Variants in TMEM175 observed in about 807,000 individuals in gnomAD.
TMEM175 encodes the protein transmembrane protein 175, also known as endosomal/lysosomal proton channel TMEM175.
In TMEM175, 36 loss-of-function variants were observed where a neutral mutation model predicts 36.5. The ratio of observed to expected loss-of-function variants is 0.99; its 90% CI spans 0.76 to 1.30. The LOEUF (loss-of-function observed/expected upper bound fraction) is 1.30, where lower values mean the gene tolerates loss of function less well. Ranked by LOEUF, TMEM175 falls within the 50% of genes most tolerant of loss-of-function variation. TMEM175 has a pLI of 0.00. For synonymous variants in TMEM175, 339 were observed against 313.4 expected, an observed-to-expected ratio of 1.08 and a Z score of -0.86; for missense variants, 705 against 692.8, an observed-to-expected ratio of 1.02 and a Z score of -0.20.
At position 958,205 on chromosome 4, in the gene TMEM175, G is replaced by A. The variant is rs780199146; in HGVS notation, c.1224G>A (p.Ser408=). The part of the protein sequence containing the change: ...LLHQAETLQP[S]VWFGGREHVL... ...ACCAGGCGGAGACGCTGCAGCCCTC[G>A]GTGTGGTTTGGCGGCCGGGAGCATG... Residue 408 remains serine, a synonymous_variant, in exon 11 of 11, where the codon TCG becomes TCA. Coordinates refer to ENST00000264771, the MANE Select transcript of TMEM175 (RefSeq NM_032326.4). The A allele has an allele frequency of 2.6e-5, 41 of 1,601,850 alleles. No individual in the cohort carries two copies. In the Middle Eastern group the frequency reaches 4.9e-4, roughly 19 times the overall value.
intron 7 of TMEM175, 45 bp from the exon 8 acceptor site, chr4:953,145 C>T (rs747915293): frequency 1.3e-6 from 2 of 1,548,934 alleles, no homozygotes; most frequent in East Asian, 4.6e-5. Flanking sequence ...GTGGGGGCCC[C>T]CTCTGCTCTT....
intron 1 of TMEM175, among the ~76,000 whole-genome samples, chr4:933,031 A>C (rs2152994107): frequency 6.6e-6 from 1 of 152,356 alleles, no homozygotes; most frequent in East Asian, 1.9e-4. Flanking sequence ...TTTCCAAGGC[A>C]AAAGCAAATC....
intron 6 of TMEM175, chr4:951,931 C>A (rs767820137): frequency 3.3e-6 from 2 of 608,606 alleles, no homozygotes; most frequent in Admixed American, 2.9e-5. Flanking sequence ...AGGGAGTCAC[C>A]GGCGCTCCCA....
intron 1 of TMEM175, among the ~76,000 whole-genome samples, chr4:944,243 C>T (rs1001405408): frequency 6.6e-6 from 1 of 152,128 alleles, no homozygotes; most frequent in Admixed American, 6.5e-5. Flanking sequence ...CAGTGAGCTG[C>T]GATCGTGCCA....
intron 10 of TMEM175, chr4:956,675 C>G: frequency 2.8e-6 from 1 of 355,954 alleles, no homozygotes; most frequent in South Asian, 2.2e-5. Context: ...AACTCCTGAC[C>G]TCAGGTGATC....
rs139228186 is a variant in TMEM175, at chr4:957,831, A to G, written c.850A>G (p.Asn284Asp). ...TCTATTCACTGTTCTCAGCGAAGACAACGTCCCGGACCCCAAGGATGTGAA... is the reference window on the plus strand; with the variant it reads ...TCTATTCACTGTTCTCAGCGAAGACGACGTCCCGGACCCCAAGGATGTGAA... ...TLLILDICED[N>D]VPDPKDVKER... The change falls in exon 11 of 11, where the codon AAC (asparagine) becomes GAC (aspartate). Residue 284 changes from asparagine to aspartate, a missense_variant. By Grantham distance (23) the Asn-to-Asp change is conservative (BLOSUM62 1). Coordinates refer to ENST00000264771, the MANE Select transcript of TMEM175 (RefSeq NM_032326.4). 5.5e-4 allele frequency: 890 copies of G among 1,606,482 alleles called. 5 individuals carry two copies. The highest frequency in any genetic ancestry group is 3.9e-4 in the Non-Finnish European group (456 of 1,176,238).
In TMEM175 at chr4:957,846, A is replaced by T. The variant is rs893050645; in HGVS notation, c.865A>T (p.Lys289Ter). The T allele has an allele frequency of 1.2e-6, 2 of 1,611,380 alleles. No homozygotes were observed. Among genetic ancestry groups the T allele is most frequent in the Non-Finnish European group, 1.7e-6 (2 of 1,179,152 alleles). ...DICEDNVPDP[K>*]DVKERFSGSL... ...CAGCGAAGACAACGTCCCGGACCCC[A>T]AGGATGTGAAGGAGAGGTTCAGCGG... Residue 289 changes from lysine to a stop codon, truncating the protein, a stop_gained, in exon 11 of 11, where the codon AAG becomes TAG. Transcript: ENST00000264771. LOFTEE classifies it low-confidence loss of function (END_TRUNC).
rs146490638 is a variant in TMEM175, at chr4:952,732, C to T, written c.462+282C>T. Among the ~76,000 whole-genome samples, 1,305 of 137,598 alleles carry T rather than the reference C, an allele frequency of 9.5e-3. 12 individuals are homozygous for T. Among genetic ancestry groups the T allele is most frequent in the Middle Eastern group, 0.03 (6 of 198 alleles). The allele number at this position is 137,598 out of a possible 152,430, so 90.3% of individuals were successfully genotyped here. A position where few individuals can be genotyped will look rare whatever the true frequency, so the allele number is the denominator to read the frequency against. On this transcript the variant is annotated intron_variant, in intron 7 of 10. Coordinates refer to ENST00000264771, the MANE Select transcript of TMEM175 (RefSeq NM_032326.4). ...GTGTGCGTGTGTGTTCACCATCAGC[C>T]CTCTTGGGGCCCGGGGCCCTGTGCT...
intron 1 of TMEM175, among the ~76,000 whole-genome samples, chr4:944,199 A>G (rs1727855470): frequency 6.6e-6 from 1 of 152,200 alleles, no homozygotes; most frequent in Non-Finnish European, 1.5e-5. Context: ...AGGCTGAGGC[A>G]CAAGAATCGC....
At chr4:951,740 C>T (rs1303441870) in intron 6 of TMEM175, 23 bp downstream of exon 6, 1 of 1,613,284 alleles carries the variant, frequency 6.2e-7, no homozygotes, top group South Asian at 1.1e-5. Context: ...AGGCCCCTGA[C>T]ACCCTGAGGC....
Position 955,842 on chromosome 4 carries a change from G to A in TMEM175, c.794G>A (p.Ser265Asn), listed in dbSNP as rs1396955357. The A allele has an allele frequency of 1.2e-6, 2 of 1,614,112 alleles. No individual in the cohort carries two copies. The highest frequency in any genetic ancestry group is 3.3e-5 in the Admixed American group (2 of 60,026). The change falls in exon 10 of 11, where the codon AGC (serine) becomes AAC (asparagine). Residue 265 changes from serine (S) to asparagine (N), a missense_variant. By Grantham distance (46) the Ser-to-Asn change is conservative. Transcript: ENST00000264771. ...AGCAAGGAGCGCGTGGAAGCCTTCA[G>A]CGACGGAGTCTACGCCATCGTGGCC... is the stretch of plus-strand genomic sequence containing the variant. Reference protein sequence around the residue: ...PLSKERVEAFSDGVYAIVATL... With the variant: ...PLSKERVEAFNDGVYAIVATL...
rs754256166 is a variant in TMEM175 at position 936,338 on chromosome 4, G to C, written c.-32+3798G>C. On this transcript the variant is annotated intron_variant, in intron 1 of 10. Coordinates refer to ENST00000264771, the MANE Select transcript of TMEM175 (RefSeq NM_032326.4). ...AAAAAAAAGGAAACTAGAAAAGTAA[G>C]AGGAAATGAAACCCAAAGTGAATAT... is the stretch of plus-strand genomic sequence containing the variant. Among the ~76,000 whole-genome samples, 81 of 149,696 alleles carry C rather than the reference G, an allele frequency of 5.4e-4. 1 individual carries two copies. Among genetic ancestry groups the C allele is most frequent in the Admixed American group, 2.2e-3 (33 of 15,010 alleles).
Position 955,818 on chromosome 4 carries a change from G to A in TMEM175, c.770G>A (p.Ser257Asn). 6.2e-7 allele frequency: 1 copy of A among 1,614,072 alleles called. No homozygotes were observed. The highest frequency in any genetic ancestry group is 2.2e-5 in the East Asian group (1 of 44,886). Residue 257 changes from serine to asparagine, a missense_variant, in exon 10 of 11, where the codon AGC (serine) becomes AAC (asparagine). Transcript: ENST00000264771. ...TCGTTTGACCTCCACGAGCCACTCA[G>A]CAAGGAGCGCGTGGAAGCCTTCAGC... ...VFSFDLHEPL[S>N]KERVEAFSDG...
At position 953,125 on chromosome 4, in the gene TMEM175, G is replaced by A. The variant is rs140188963; in HGVS notation, c.463-65G>A. ...CGTGCGTGTGCCATGCAGCCCGGGGGTTGACTGCTGTGGGGGCCCCCTCTG... is the reference window on the plus strand; with the variant it reads ...CGTGCGTGTGCCATGCAGCCCGGGGATTGACTGCTGTGGGGGCCCCCTCTG... On this transcript the variant is annotated intron_variant, in intron 7 of 10. Coordinates refer to ENST00000264771, the MANE Select transcript of TMEM175 (RefSeq NM_032326.4). 14,805 of 1,510,500 alleles carry A rather than the reference G, an allele frequency of 9.8e-3. 100 individuals carry two copies. Among genetic ancestry groups the A allele is most frequent in the Middle Eastern group, 0.015 (82 of 5,642 alleles). 93.6% of individuals were successfully genotyped at this position (1,510,500 alleles called of 1,614,324 possible).
At chr4:947,340 G>A (rs1728311255) in intron 1 of TMEM175, among the ~76,000 whole-genome samples, 1 of 152,154 alleles carries the variant, frequency 6.6e-6, no homozygotes, top group East Asian at 1.9e-4. Flanking sequence ...CCCCAGGCAC[G>A]CATGCACGGT....
chr4:952,330 G>T, intron 6 of TMEM175, 37 bp from the exon 7 acceptor site: 1 of 1,593,354 alleles, frequency 6.3e-7, no homozygotes, highest in South Asian at 1.1e-5. Flanking sequence ...GGTAACCTAG[G>T]ATTTGGGGGG....
rs201152629 is a variant in TMEM175 at position 951,208 on chromosome 4, T to C, written c.292T>C (p.Leu98=). Residue 98 remains leucine, a splice_region_variant and synonymous_variant, in exon 5 of 11, where the codon TTG becomes CTG. Coordinates refer to ENST00000264771, the MANE Select transcript of TMEM175 (RefSeq NM_032326.4). Reference sequence around the variant, plus strand: ...CTATCTTTTTCTTAAATGGTTTAGGTTGTTCCAAGTTGTTGGGAAAACAGA... The same window carrying C: ...CTATCTTTTTCTTAAATGGTTTAGGCTGTTCCAAGTTGTTGGGAAAACAGA... ...VTVAWAAHTR[L]FQVVGKTDDT... is the part of the protein sequence containing the mutation. The C allele has an allele frequency of 2.1e-5, 34 of 1,614,044 alleles. No homozygotes were observed. Among genetic ancestry groups the C allele is most frequent in the Middle Eastern group, 3.3e-4 (2 of 6,062 alleles).
At chr4:957,757 G>A in intron 10 of TMEM175, 67 bp from the exon 11 acceptor site, 2 of 1,497,458 alleles carry the variant, frequency 1.3e-6, no homozygotes, top group East Asian at 2.3e-5. Flanking sequence ...CAGGCGCTCA[G>A]CCACCCTGCT....
chr4:955,636 G>A, intron 9 of TMEM175, 119 bp from the exon 10 acceptor site: 1 of 1,495,216 alleles, frequency 6.7e-7, no homozygotes, highest in Non-Finnish European at 9.0e-7. Context: ...TCCCTGTCCT[G>A]TCTCCTCTCC....
Sources: allele counts gnomAD v4.1 joint callset (sites outside exome capture counted in the v4.1 genomes callset), GRCh38; gene constraint gnomAD v4.1.1; transcripts MANE v1.5; gene names NCBI Gene and HGNC (gene_info 2026-07-23, HGNC 2026-07-21).